The following SCFD2 variants were observed in gnomAD, a reference collection of about 807,000 sequenced individuals.
The protein encoded by SCFD2 is sec1 family domain-containing protein 2.
In SCFD2, 54 loss-of-function variants were observed where a neutral mutation model predicts 58.9. That is an observed-to-expected ratio of 0.92 (90% confidence interval 0.74 to 1.15). The LOEUF (loss-of-function observed/expected upper bound fraction) is 1.15, where lower values mean the gene tolerates loss of function less well. Among genes scored for constraint, SCFD2 ranks in the 50% most tolerant of loss-of-function variants. SCFD2 has a pLI of 0.00. For synonymous variants in SCFD2, 321 were observed against 335.9 expected (o/e 0.96, Z 0.49); for missense variants, 805 against 836.6 (o/e 0.96, Z 0.47).
chr4:52,896,154 C>T (rs1338320559), intron 7 of SCFD2, among the ~76,000 whole-genome samples: 1 of 152,150 alleles, frequency 6.6e-6, no homozygotes, highest in Non-Finnish European at 1.5e-5. Flanking sequence ...TGTGCAGAAG[C>T]TCTTTAGTTT....
At chr4:52,918,763 T>C (rs555071340) in intron 6 of SCFD2, among the ~76,000 whole-genome samples, 28 of 152,304 alleles carry the variant, frequency 1.8e-4, no homozygotes, top group Admixed American at 1.8e-3. Flanking sequence ...TGCCACCCAA[T>C]TGATCATGGA....
intron 8 of SCFD2, among the ~76,000 whole-genome samples, chr4:52,880,852 G>A (rs1047317095): frequency 1.3e-5 from 2 of 152,116 alleles, no homozygotes; most frequent in African/African-American, 2.4e-5. Flanking sequence ...CTAGCCTCTC[G>A]GCTACCATCC....
chr4:53,046,884 G>A (rs975658396), intron 5 of SCFD2, among the ~76,000 whole-genome samples: 2 of 151,834 alleles, frequency 1.3e-5, no homozygotes, highest in African/African-American at 4.8e-5. Context: ...ATTGGCCAGC[G>A]TGGTCTCAAA....
At chr4:53,339,724 T>C (rs1733803555) in intron 2 of SCFD2, among the ~76,000 whole-genome samples, 1 of 151,692 alleles carries the variant, frequency 6.6e-6, no homozygotes, top group Admixed American at 6.6e-5. Flanking sequence ...GGGCCAAGAT[T>C]GCACCACTGC....
intron 5 of SCFD2, among the ~76,000 whole-genome samples, chr4:53,025,342 C>T (rs1722447615): frequency 6.6e-6 from 1 of 152,240 alleles, no homozygotes; most frequent in East Asian, 1.9e-4. Flanking sequence ...TTAAAATAAA[C>T]ATTCTTGTTA....
intron 4 of SCFD2, among the ~76,000 whole-genome samples, chr4:53,227,547 C>A (rs1729259846): frequency 6.6e-6 from 1 of 152,166 alleles, no homozygotes; most frequent in Admixed American, 6.6e-5. Flanking sequence ...AAAGTCTTTG[C>A]ATGAATTTAA....
intron 5 of SCFD2, among the ~76,000 whole-genome samples, chr4:53,034,373 A>T (rs1722703139): frequency 6.6e-6 from 1 of 152,226 alleles, no homozygotes; most frequent in Admixed American, 6.5e-5. Context: ...TATCATACTG[A>T]ATGGGCAAAA....
At chr4:53,112,965 T>A in intron 5 of SCFD2, among the ~76,000 whole-genome samples, 1 of 152,096 alleles carries the variant, frequency 6.6e-6, no homozygotes, top group East Asian at 1.9e-4. Context: ...AATATTATCA[T>A]GATTCCCTCT....
intron 2 of SCFD2, among the ~76,000 whole-genome samples, chr4:53,334,799 T>C (rs570160652): frequency 6.6e-5 from 10 of 152,180 alleles, no homozygotes; most frequent in Non-Finnish European, 7.3e-5. Context: ...AAATTTGACA[T>C]GGAAGAGACT....
At chr4:53,080,013 A>T (rs1724094483) in intron 5 of SCFD2, among the ~76,000 whole-genome samples, 1 of 152,206 alleles carries the variant, frequency 6.6e-6, no homozygotes, top group Admixed American at 6.5e-5. Context: ...TGTAACACAT[A>T]TAGACAGATG....
rs148829578 is a variant in SCFD2, at chr4:53,063,904, G to A, written c.1561+81429C>T. ...AATTTTTTTTCTAGCTAAGCTCAAGGCATCAACTGTCTAGCCCGGATTTAC... is the reference window on the plus strand; with the variant it reads ...AATTTTTTTTCTAGCTAAGCTCAAGACATCAACTGTCTAGCCCGGATTTAC... On this transcript the variant is annotated intron_variant, in intron 5 of 8. Coordinates refer to ENST00000401642, the MANE Select transcript of SCFD2 (RefSeq NM_152540.4). 2.0e-3 allele frequency among the ~76,000 whole-genome samples: 305 copies of A among 152,078 alleles called. 4 individuals carry two copies. Among genetic ancestry groups the A allele is most frequent in the Middle Eastern group, 0.014 (4 of 294 alleles).
chr4:53,282,856 G>C (rs1331544059), intron 3 of SCFD2, among the ~76,000 whole-genome samples: 2 of 152,108 alleles, frequency 1.3e-5, no homozygotes, highest in Non-Finnish European at 2.9e-5. Context: ...GACAGTGAAA[G>C]AGCGATGGAT....
At chr4:52,942,499 G>A (rs1720318539) in intron 5 of SCFD2, among the ~76,000 whole-genome samples, 1 of 152,132 alleles carries the variant, frequency 6.6e-6, no homozygotes, top group African/African-American at 2.4e-5. Context: ...ACTGTTATGA[G>A]TCCTGTTCTG....
intron 5 of SCFD2, among the ~76,000 whole-genome samples, chr4:53,135,994 A>C (rs1184142520): frequency 6.6e-6 from 1 of 152,202 alleles, no homozygotes; most frequent in Non-Finnish European, 1.5e-5. Context: ...GATACCTGTT[A>C]ATTGAAAAAT....
chr4:53,276,609 TCCTCCCAC>T (rs1023993847), intron 3 of SCFD2, among the ~76,000 whole-genome samples: 4 of 152,140 alleles, frequency 2.6e-5, no homozygotes, highest in African/African-American at 9.7e-5. Flanking sequence ...ATCCTCTCCT[TCCTCCCAC>T]CCTCCACCCT....
At chr4:52,947,431 A>G (rs1433307915) in intron 5 of SCFD2, among the ~76,000 whole-genome samples, 1 of 152,262 alleles carries the variant, frequency 6.6e-6, no homozygotes, top group African/African-American at 2.4e-5. Context: ...CACAAAGTGA[A>G]GTGTGTATGT....
intron 2 of SCFD2, among the ~76,000 whole-genome samples, chr4:53,335,491 C>T (rs1371508455): frequency 6.6e-6 from 1 of 152,082 alleles, no homozygotes; most frequent in Non-Finnish European, 1.5e-5. Flanking sequence ...AATGGTGGAA[C>T]TTGTCTAATC....
intron 3 of SCFD2, among the ~76,000 whole-genome samples, chr4:53,301,708 T>A (rs1732306844): frequency 6.6e-6 from 1 of 152,134 alleles, no homozygotes; most frequent in South Asian, 2.1e-4. Context: ...CTCAATAAAA[T>A]ACTGGTAAAC....
intron 6 of SCFD2, among the ~76,000 whole-genome samples, chr4:52,919,946 G>T (rs929004111): frequency 6.6e-6 from 1 of 152,190 alleles, no homozygotes; most frequent in Non-Finnish European, 1.5e-5. Flanking sequence ...GTTTTATGGA[G>T]AAATAAATAA....
Sources: allele counts gnomAD v4.1 joint callset (sites outside exome capture counted in the v4.1 genomes callset), GRCh38; gene constraint gnomAD v4.1.1; transcripts MANE v1.5; gene names NCBI Gene and HGNC (gene_info 2026-07-23, HGNC 2026-07-21).